GPAM: variants seen among roughly 807,000 people sequenced by gnomAD.
GPAM encodes glycerol-3-phosphate acyltransferase, mitochondrial.
Under a neutral mutation model 105.0 loss-of-function variants are expected in GPAM, and 56 were observed. The ratio of observed to expected loss-of-function variants is 0.53; its 90% CI spans 0.43 to 0.67. The LOEUF (loss-of-function observed/expected upper bound fraction) is 0.67. Ranked by LOEUF, GPAM falls within the 30% of genes least tolerant of loss-of-function variation. The pLI is 0.00. For missense variants in GPAM, 855 were observed against 989.8 expected (o/e 0.86, Z 1.83); for synonymous variants, 368 against 354.4 (o/e 1.04, Z -0.43).
chr10:112,224,836 T>C, the GPAM span, among the ~76,000 whole-genome samples: 1 of 152,130 alleles, frequency 6.6e-6, no homozygotes, highest in Admixed American at 6.5e-5. Flanking sequence ...ATGACAGCCA[T>C]GGAGCTCTCG....
At chr10:112,178,169 C>A in intron 4 of GPAM, 112 bp from the exon 5 acceptor site, 1 of 657,860 alleles carries the variant, frequency 1.5e-6, no homozygotes. Context: ...CAGATATTGC[C>A]TCAAAAATCT....
chr10:112,172,280 G>A lies in GPAM; in HGVS notation c.696C>T (p.Ser232=), dbSNP rs1307321724. The A allele has an allele frequency of 6.2e-7, 1 of 1,611,434 alleles. No individual in the cohort carries two copies. Among genetic ancestry groups the A allele is most frequent in the Admixed American group, 1.7e-5 (1 of 60,014 alleles). Residue 232 remains serine, a synonymous_variant, in exon 9 of 22, where the codon TCC becomes TCT. Coordinates refer to ENST00000348367, the MANE Select transcript of GPAM (RefSeq NM_001244949.2). Reference sequence around the variant, plus strand: ...AAGTGAGCAGCAGATAGTCAATATGGGATCTATGAACTGGTAGAAACAGAA... The same window carrying A: ...AAGTGAGCAGCAGATAGTCAATATGAGATCTATGAACTGGTAGAAACAGAA... The part of the protein sequence containing the change: ...LPLLFLPVHR[S]HIDYLLLTFI...
At chr10:112,188,876 A>G (rs1847624295) in intron 1 of GPAM, among the ~76,000 whole-genome samples, 1 of 152,178 alleles carries the variant, frequency 6.6e-6, no homozygotes, top group Non-Finnish European at 1.5e-5. Flanking sequence ...ACCAGACACA[A>G]AGCAGCACAG....
chr10:112,197,149 T>C (rs1427626970), intron 1 of GPAM, among the ~76,000 whole-genome samples: 1 of 152,192 alleles, frequency 6.6e-6, no homozygotes, highest in Non-Finnish European at 1.5e-5. Flanking sequence ...GTTGAATAAA[T>C]ATAATCTAGG....
intron 2 of GPAM, 75 bp downstream of exon 2, chr10:112,182,719 C>T (rs1375804960): frequency 6.6e-6 from 1 of 152,218 alleles, no homozygotes; most frequent in Non-Finnish European, 1.5e-5. Context: ...CTCGGCATAA[C>T]CACCTATGTC....
At chr10:112,178,486 G>C (rs897344351) in intron 4 of GPAM, among the ~76,000 whole-genome samples, 1 of 152,014 alleles carries the variant, frequency 6.6e-6, no homozygotes, top group African/African-American at 2.4e-5. Context: ...AGAGACGGAG[G>C]TTGCAGTGAG....
chr10:112,226,588 A>G, the GPAM span, among the ~76,000 whole-genome samples: 1 of 152,178 alleles, frequency 6.6e-6, no homozygotes, highest in Non-Finnish European at 1.5e-5. Flanking sequence ...GGGGGCCAAC[A>G]CTAGTATGGA....
intron 1 of GPAM, among the ~76,000 whole-genome samples, chr10:112,210,948 C>A (rs1262465278): frequency 6.6e-6 from 1 of 152,240 alleles, no homozygotes; most frequent in Non-Finnish European, 1.5e-5. Context: ...GCTGCCCTCG[C>A]AGCGTTCCTG....
At position 112,178,040 on chromosome 10, in the gene GPAM, G is replaced by A. The variant is rs576194284; in HGVS notation, c.243C>T (p.Pro81=). Residue 81 remains proline, a synonymous_variant, in exon 5 of 22, where the codon CCC becomes CCT. Coordinates refer to ENST00000348367, the MANE Select transcript of GPAM (RefSeq NM_001244949.2). ...TPQSWDKFFN[P]SIPSLGLRNV... The stretch of plus-strand genomic sequence containing the variant: ...TCCGCAAACCCAAAGACGGGATACT[G>A]GGGTTGAAAAATTTGTCCTATATAA... 2.5e-6 allele frequency: 4 copies of A among 1,594,288 alleles called. No individual in the cohort carries two copies. The highest frequency in any genetic ancestry group is 2.6e-6 in the Non-Finnish European group (3 of 1,162,326).
chr10:112,181,651 C>T (rs1274327710), intron 3 of GPAM, 32 bp downstream of exon 3: 2 of 1,158,992 alleles, frequency 1.7e-6, no homozygotes, highest in East Asian at 2.3e-5. Flanking sequence ...CATTTTTAGG[C>T]TGAGTGCTTT....
chr10:112,198,934 T>G (rs1847758334), intron 1 of GPAM, among the ~76,000 whole-genome samples: 1 of 151,996 alleles, frequency 6.6e-6, no homozygotes, highest in South Asian at 2.1e-4. Context: ...TGTTTTTTTT[T>G]TTGTTTTGAG....
rs963700750 is a variant in GPAM, at chr10:112,169,015, A to G, written c.795-63T>C. The stretch of plus-strand genomic sequence containing the variant: ...AATGTAAAAAGAATACTCACATTCC[A>G]AGTTAATTGAAAACATTTGCCAAGT... On this transcript the variant is annotated intron_variant, in intron 9 of 21. Transcript: ENST00000348367. 10 of 1,093,112 alleles carry G rather than the reference A, an allele frequency of 9.1e-6. No individual in the cohort carries two copies. The Admixed American group carries it at 1.5e-4, about 17-fold the overall frequency. 67.7% of individuals were successfully genotyped at this position (1,093,112 alleles called of 1,614,324 possible).
At chr10:112,178,252 T>C (rs889849211) in intron 4 of GPAM, among the ~76,000 whole-genome samples, 195 bp from the exon 5 acceptor site, 3 of 152,260 alleles carry the variant, frequency 2.0e-5, no homozygotes, top group East Asian at 1.9e-4. Flanking sequence ...AAATTCATCT[T>C]TAAAATCTTA....
Position 112,160,841 on chromosome 10 carries a change from C to T in GPAM, c.1522G>A (p.Asp508Asn). ...ACTTCCTCTTTCATCACAAAGAAGT[C>T]TTCGACCAATGTGGAGAGATCAATT... is the stretch of plus-strand genomic sequence containing the variant. ...QGIDLSTLVE[D>N]FFVMKEEVLA... is the part of the protein sequence containing the mutation. The change falls in exon 16 of 22, where the codon GAC (aspartate) becomes AAC (asparagine). Residue 508 changes from aspartate to asparagine, a missense_variant. By Grantham distance (23) the Asp-to-Asn change is conservative (BLOSUM62 1). Coordinates refer to ENST00000348367, the MANE Select transcript of GPAM (RefSeq NM_001244949.2). 6.2e-7 allele frequency: 1 copy of T among 1,613,910 alleles called. No homozygotes were observed. The highest frequency in any genetic ancestry group is 8.5e-7 in the Non-Finnish European group (1 of 1,179,806).
rs1847418120 is a variant in GPAM at position 112,176,992 on chromosome 10, A to G, written c.299+992T>C. Reference sequence around the variant, plus strand: ...CTTTATATATAAAATATCTACTTACATAAGGAAGACTCTGAGATCCCTTTT... The same window carrying G: ...CTTTATATATAAAATATCTACTTACGTAAGGAAGACTCTGAGATCCCTTTT... On this transcript the variant is annotated intron_variant, in intron 5 of 21. Coordinates refer to ENST00000348367, the MANE Select transcript of GPAM (RefSeq NM_001244949.2). Among the ~76,000 whole-genome samples the G allele has an allele frequency of 2.0e-5, 3 of 152,168 alleles. 1 individual carries two copies. The highest frequency in any genetic ancestry group is 4.4e-5 in the Non-Finnish European group (3 of 68,024).
intron 1 of GPAM, among the ~76,000 whole-genome samples, chr10:112,210,051 GACTC>G (rs1040160386): frequency 6.6e-6 from 1 of 152,222 alleles, no homozygotes; most frequent in Non-Finnish European, 1.5e-5. Context: ...AATTAGCACT[GACTC>G]AGCCTGACAC....
chr10:112,199,592 G>T (rs779872830), intron 1 of GPAM, among the ~76,000 whole-genome samples: 3 of 152,132 alleles, frequency 2.0e-5, no homozygotes, highest in South Asian at 2.1e-4. Context: ...TAATTAGCTC[G>T]ATTTAATCAT....
At chr10:112,220,121 C>T (rs7912272), upstream of GPAM, among the ~76,000 whole-genome samples, 1,776 of 152,200 alleles carry the variant, frequency 0.012, 42 homozygotes, top group African/African-American at 0.04. Context: ...ACCCAGACAG[C>T]CAGTTGGATC....
At chr10:112,227,242 A>T in the GPAM span, among the ~76,000 whole-genome samples, 6 of 152,330 alleles carry the variant, frequency 3.9e-5, no homozygotes, top group South Asian at 1.2e-3. Flanking sequence ...CTGATACCTC[A>T]GTTTAGAAAA....
Sources: allele counts gnomAD v4.1 joint callset (sites outside exome capture counted in the v4.1 genomes callset), GRCh38; gene constraint gnomAD v4.1.1; transcripts MANE v1.5; gene names NCBI Gene and HGNC (gene_info 2026-07-23, HGNC 2026-07-21).